The following ZMAT4 variants were observed in gnomAD, a reference collection of about 807,000 sequenced individuals.
ZMAT4 encodes the protein zinc finger matrin-type 4.
ZMAT4 carries 17 observed loss-of-function variants against 28.7 expected under a neutral mutation model. The ratio of observed to expected loss-of-function variants is 0.59; its 90% confidence interval spans 0.41 to 0.89. ZMAT4 has a LOEUF of 0.89. ZMAT4 is among the 40% of genes least tolerant of loss of function. ZMAT4 has a pLI of 0.00. For synonymous variants in ZMAT4, 117 were observed against 109.2 expected (o/e 1.07, Z -0.44); for missense variants, 240 against 283.8 (o/e 0.85, Z 1.11).
At chr8:40,767,096 C>T (rs1484285504) in intron 3 of ZMAT4, among the ~76,000 whole-genome samples, 1 of 152,202 alleles carries the variant, frequency 6.6e-6, no homozygotes, top group Non-Finnish European at 1.5e-5. Context: ...TTTGCTCTGA[C>T]TTGACTCCCT....
intron 1 of ZMAT4, among the ~76,000 whole-genome samples, chr8:40,878,184 A>C (rs2031984127): frequency 6.6e-6 from 1 of 152,206 alleles, no homozygotes; most frequent in Non-Finnish European, 1.5e-5. Context: ...GTCAATCATG[A>C]AAGCCAGTAT....
chr8:40,849,198 A>T (rs1038971822), intron 1 of ZMAT4, among the ~76,000 whole-genome samples: 3 of 152,230 alleles, frequency 2.0e-5, no homozygotes, highest in Non-Finnish European at 4.4e-5. Flanking sequence ...AGGAATTGAC[A>T]AAGCCTGTTA....
intron 3 of ZMAT4, among the ~76,000 whole-genome samples, chr8:40,709,965 G>A (rs1176802836): frequency 6.6e-6 from 1 of 151,554 alleles, no homozygotes; most frequent in Non-Finnish European, 1.5e-5. Context: ...GTGAACCCCG[G>A]AGGTGGAGGT....
At chr8:40,598,722 A>G (rs1454647205) in intron 5 of ZMAT4, among the ~76,000 whole-genome samples, 4 of 152,206 alleles carry the variant, frequency 2.6e-5, no homozygotes, top group Non-Finnish European at 4.4e-5. Flanking sequence ...TTATTTTGGA[A>G]TTCTATGTCA....
chr8:40,817,815 T>C lies in ZMAT4; in HGVS notation c.102+7760A>G, dbSNP rs76509430. ...TGTGTGTTCTATGTCAGGGAAAGAA[T>C]GAGATGGATAGTTGGTGGCCAGAAG... is the stretch of plus-strand genomic sequence containing the variant. On this transcript the variant is annotated intron_variant, in intron 2 of 6. Coordinates refer to ENST00000297737, the MANE Select transcript of ZMAT4 (RefSeq NM_024645.3). 8.1e-3 allele frequency among the ~76,000 whole-genome samples: 1,236 copies of C among 152,302 alleles called. 23 individuals carry two copies. Among genetic ancestry groups the C allele is most frequent in the African/African-American group, 0.028 (1,181 of 41,556 alleles).
intron 3 of ZMAT4, among the ~76,000 whole-genome samples, chr8:40,763,564 T>C (rs953953570): frequency 3.3e-5 from 5 of 152,096 alleles, no homozygotes; most frequent in African/African-American, 1.2e-4. Context: ...CCCATAACAG[T>C]TACAAGGCCA....
intron 2 of ZMAT4, among the ~76,000 whole-genome samples, chr8:40,824,814 CT>C (rs768587265): frequency 1.3e-5 from 2 of 152,000 alleles, no homozygotes; most frequent in Non-Finnish European, 2.9e-5. Flanking sequence ...AGTATATGTT[CT>C]TTTGAAAACA....
chr8:40,862,971 TAAAA>T (rs869063889), intron 1 of ZMAT4, among the ~76,000 whole-genome samples: 35 of 147,200 alleles, frequency 2.4e-4, no homozygotes, highest in African/African-American at 8.0e-4. Flanking sequence ...AAATATAATT[TAAAA>T]AAAAAAGAAA....
intron 5 of ZMAT4, among the ~76,000 whole-genome samples, chr8:40,643,000 C>T (rs947908233): frequency 6.6e-6 from 1 of 152,198 alleles, no homozygotes; most frequent in Non-Finnish European, 1.5e-5. Context: ...GAGTGTATAA[C>T]TCTTGGGATG....
intron 3 of ZMAT4, among the ~76,000 whole-genome samples, chr8:40,698,601 A>G (rs938325365): frequency 7.9e-5 from 12 of 152,218 alleles, no homozygotes; most frequent in African/African-American, 2.4e-4. Flanking sequence ...TGAGGGTGGC[A>G]ACTGGTTGGA....
At chr8:40,811,758 G>C (rs1815327098) in intron 2 of ZMAT4, among the ~76,000 whole-genome samples, 1 of 152,156 alleles carries the variant, frequency 6.6e-6, no homozygotes, top group Non-Finnish European at 1.5e-5. Context: ...AACATGGATG[G>C]CTTTTGGAAA....
chr8:40,797,400 C>T (rs1814646051), intron 2 of ZMAT4, among the ~76,000 whole-genome samples: 1 of 152,210 alleles, frequency 6.6e-6, no homozygotes, highest in Non-Finnish European at 1.5e-5. Flanking sequence ...GTGCTGGGCC[C>T]CAGGCTCAGT....
At chr8:40,671,678 A>G (rs948191922) in intron 5 of ZMAT4, among the ~76,000 whole-genome samples, 10 of 152,298 alleles carry the variant, frequency 6.6e-5, no homozygotes, top group African/African-American at 1.9e-4. Flanking sequence ...TGGAGTTGAC[A>G]TGGGAATTTT....
At chr8:40,655,327 T>C (rs1267208894) in intron 5 of ZMAT4, among the ~76,000 whole-genome samples, 1 of 152,042 alleles carries the variant, frequency 6.6e-6, no homozygotes, top group African/African-American at 2.4e-5. Flanking sequence ...TGAAAAGTCA[T>C]TTTGTGTTCA....
intron 3 of ZMAT4, among the ~76,000 whole-genome samples, chr8:40,764,602 T>A (rs1243835057): frequency 6.6e-6 from 1 of 152,116 alleles, no homozygotes; most frequent in Non-Finnish European, 1.5e-5. Context: ...CTCTTCTCAA[T>A]CAGTTAACAC....
intron 1 of ZMAT4, among the ~76,000 whole-genome samples, chr8:40,832,562 C>T (rs1373992038): frequency 2.6e-5 from 4 of 152,170 alleles, no homozygotes; most frequent in Non-Finnish European, 5.9e-5. Flanking sequence ...CACCAAACAG[C>T]CTGGCCCCGA....
At chr8:40,644,162 C>G (rs1807189846) in intron 5 of ZMAT4, among the ~76,000 whole-genome samples, 1 of 151,862 alleles carries the variant, frequency 6.6e-6, no homozygotes, top group Non-Finnish European at 1.5e-5. Context: ...GGTATAGATG[C>G]CATTTTAAAA....
intron 5 of ZMAT4, among the ~76,000 whole-genome samples, chr8:40,621,981 CTTAGTT>C (rs1563371062): frequency 6.6e-6 from 1 of 152,128 alleles, no homozygotes. Context: ...GAGTCTTTCA[CTTAGTT>C]TTAGTAAAAA....
At chr8:40,585,166 A>G (rs1372460000) in intron 5 of ZMAT4, among the ~76,000 whole-genome samples, 1 of 152,176 alleles carries the variant, frequency 6.6e-6, no homozygotes, top group African/African-American at 2.4e-5. Flanking sequence ...TCACATAATC[A>G]GGTACTGACT....
Sources: allele counts gnomAD v4.1 joint callset (sites outside exome capture counted in the v4.1 genomes callset), GRCh38; gene constraint gnomAD v4.1.1; transcripts MANE v1.5; gene names NCBI Gene and HGNC (gene_info 2026-07-23, HGNC 2026-07-21).